Variants in RNF24 observed in about 807,000 individuals in gnomAD.
The protein encoded by RNF24 is ring finger protein 24.
A neutral mutation model predicts 20.0 loss-of-function variants in RNF24; 14 were observed. The ratio of observed to expected loss-of-function variants is 0.70; its 90% CI spans 0.46 to 1.10. The LOEUF (loss-of-function observed/expected upper bound fraction) is 1.10. Ranked by LOEUF, RNF24 falls within the 50% of genes least tolerant of loss-of-function variation. The pLI is 0.00. For missense variants in RNF24, 124 were observed against 177.6 expected (o/e 0.70, Z 1.71); for synonymous variants, 45 against 61.1 (o/e 0.74, Z 1.23).
intron 1 of RNF24, among the ~76,000 whole-genome samples, chr20:4,012,475 C>T (rs1456312234): frequency 6.6e-6 from 1 of 151,376 alleles, no homozygotes; most frequent in African/African-American, 2.4e-5. Context: ...ATAGAGAATG[C>T]TCAATGGAAA....
chr20:3,961,424 TAA>T (rs1235204073), intron 2 of RNF24, among the ~76,000 whole-genome samples: 1 of 151,064 alleles, frequency 6.6e-6, no homozygotes, highest in Non-Finnish European at 1.5e-5. Flanking sequence ...TACAAAAGGA[TAA>T]AATTAAGTAC....
intron 1 of RNF24, among the ~76,000 whole-genome samples, chr20:3,980,704 C>T (rs1979305227): frequency 1.3e-5 from 2 of 152,152 alleles, no homozygotes; most frequent in African/African-American, 4.8e-5. Context: ...AAAACCACAA[C>T]TTTACAGCAG....
chr20:4,000,932 C>CT (rs1217483609), intron 1 of RNF24, among the ~76,000 whole-genome samples: 2 of 152,122 alleles, frequency 1.3e-5, no homozygotes, highest in Admixed American at 6.6e-5. Flanking sequence ...CACCCTGCTT[C>CT]TTTTTTACCT....
chr20:3,977,734 G>A (rs927327159), intron 1 of RNF24, among the ~76,000 whole-genome samples: 46 of 151,764 alleles, frequency 3.0e-4, no homozygotes, highest in Non-Finnish European at 4.6e-4. Context: ...ATGTGGTGGT[G>A]GGCGCCTGTA....
At chr20:3,945,714 T>G (rs932869092) in intron 3 of RNF24, among the ~76,000 whole-genome samples, 1 of 83,050 alleles carries the variant, frequency 1.2e-5, no homozygotes, top group East Asian at 2.8e-4. Context: ...AAACTCCGTC[T>G]CAAAAAAAAA....
At chr20:4,006,566 T>C (rs939914598) in intron 1 of RNF24, among the ~76,000 whole-genome samples, 3 of 152,184 alleles carry the variant, frequency 2.0e-5, no homozygotes, top group Non-Finnish European at 4.4e-5. Context: ...TATAAAAACA[T>C]TCACTACAGT....
chr20:3,994,397 G>T (rs1276936935), intron 1 of RNF24, among the ~76,000 whole-genome samples: 2 of 152,176 alleles, frequency 1.3e-5, no homozygotes, highest in Non-Finnish European at 2.9e-5. Context: ...CCTACCTCTG[G>T]AGTATAACAG....
intron 4 of RNF24, among the ~76,000 whole-genome samples, chr20:3,942,276 C>T (rs1428744897): frequency 2.7e-5 from 4 of 150,688 alleles, no homozygotes; most frequent in Non-Finnish European, 5.9e-5. Flanking sequence ...TCAAGCAATC[C>T]TCCCACCTCA....
rs575921659 is a variant in RNF24, at chr20:3,929,190, G to C, written c.*4873C>G. The C allele has an allele frequency of 1.7e-4, 26 of 152,298 alleles. No individual in the cohort carries two copies. Among genetic ancestry groups the C allele is most frequent in the African/African-American group, 6.0e-4 (25 of 41,546 alleles). The allele number at this position is 152,298 out of a possible 1,614,324, so 9.4% of individuals were successfully genotyped here. ...TCTTTTCAAAGTGTGTGCACAGAGT[G>C]AGGAGGCCAGCCTGGGCAACATAGT... On this transcript the variant is annotated 3_prime_UTR_variant, in exon 6 of 6. Coordinates refer to ENST00000358395, the MANE Select transcript of RNF24 (RefSeq NM_001134337.3).
intron 1 of RNF24, among the ~76,000 whole-genome samples, chr20:3,982,103 G>GTCTCTCTCTCTCTCTCTCTTTCTC (rs1979448002): frequency 2.2e-5 from 3 of 137,026 alleles, no homozygotes; most frequent in Non-Finnish European, 4.7e-5. Context: ...GTGAGACCTC[G>GTCTCTCTCTCTCTCTCTCTTTCTC]TCTCTCTCTC....
intron 4 of RNF24, among the ~76,000 whole-genome samples, chr20:3,943,061 C>G (rs547473546): frequency 1.3e-5 from 2 of 152,276 alleles, no homozygotes; most frequent in African/African-American, 4.8e-5. Context: ...GGTGATCCTC[C>G]TGCCTTGGCC....
intron 4 of RNF24, among the ~76,000 whole-genome samples, chr20:3,938,755 T>C (rs939485964): frequency 3.9e-5 from 6 of 152,200 alleles, no homozygotes; most frequent in Admixed American, 3.9e-4. Context: ...TTAATTTTTT[T>C]TTTGAGACAG....
chr20:3,954,681 G>C (rs578229547), intron 2 of RNF24, among the ~76,000 whole-genome samples: 1 of 150,348 alleles, frequency 6.7e-6, no homozygotes, highest in African/African-American at 2.5e-5. Context: ...GAGGCAGGTG[G>C]ATCATGAGGT....
At chr20:3,948,191 TG>T (rs770834989) in intron 3 of RNF24, 45 bp downstream of exon 3, 15 of 1,422,054 alleles carry the variant, frequency 1.1e-5, no homozygotes, top group Admixed American at 1.0e-4. Context: ...CTCAGTTTTT[TG>T]GGGGGAAAAA....
rs1447945730 is a variant in RNF24, at chr20:4,005,467, TGAA to T, written c.-8+9967_-8+9969del. Among the ~76,000 whole-genome samples, 7 of 152,356 alleles carry T rather than the reference TGAA, an allele frequency of 4.6e-5. No homozygotes were observed. The East Asian group carries it at 1.2e-3, about 25-fold the overall frequency. ...ATGCATGAGATTTCCAACACATTTC[TGAA>T]GAAGTTTTGCAACTTGTTTCATGCT... On this transcript the variant is annotated intron_variant, in intron 1 of 5. Transcript: ENST00000358395.
At chr20:4,011,019 T>C (rs1982420914) in intron 1 of RNF24, among the ~76,000 whole-genome samples, 1 of 152,182 alleles carries the variant, frequency 6.6e-6, no homozygotes, top group African/African-American at 2.4e-5. Context: ...ATATACAGCC[T>C]TTTTGGAAAA....
intron 1 of RNF24, among the ~76,000 whole-genome samples, chr20:3,997,003 G>A (rs1291246855): frequency 6.6e-6 from 1 of 151,854 alleles, no homozygotes; most frequent in African/African-American, 2.4e-5. Context: ...GGCGGATCAC[G>A]AGGTCAGGGG....
At chr20:4,012,505 T>C (rs952412921) in intron 1 of RNF24, among the ~76,000 whole-genome samples, 1 of 152,156 alleles carries the variant, frequency 6.6e-6, no homozygotes, top group Non-Finnish European at 1.5e-5. Flanking sequence ...CTTTTTATTA[T>C]GAGACATTAC....
intron 4 of RNF24, among the ~76,000 whole-genome samples, chr20:3,936,778 A>C (rs1600621329): frequency 6.6e-6 from 1 of 152,158 alleles, no homozygotes; most frequent in East Asian, 1.9e-4. Context: ...TGAGTTGCTT[A>C]TTTTTATTCA....
Sources: allele counts gnomAD v4.1 joint callset (sites outside exome capture counted in the v4.1 genomes callset), GRCh38; gene constraint gnomAD v4.1.1; transcripts MANE v1.5; gene names NCBI Gene and HGNC (gene_info 2026-07-23, HGNC 2026-07-21).